GLI3: variants seen among roughly 807,000 people sequenced by gnomAD.
GLI3 encodes the protein GLI family zinc finger 3.
In GLI3, 20 loss-of-function variants were observed where a neutral mutation model predicts 100.8. The observed-to-expected ratio is 0.20, with a 90% CI of 0.14 to 0.29. The LOEUF (loss-of-function observed/expected upper bound fraction) is 0.29. GLI3 is among the 10% of genes least tolerant of loss of function. GLI3 has a pLI of 1.00. For synonymous variants in GLI3, 938 were observed against 860.5 expected, an observed-to-expected ratio of 1.09 and a Z score of -1.58; for missense variants, 2,040 against 2,128.5, an observed-to-expected ratio of 0.96 and a Z score of 0.82.
chr7:42,017,709 G>A (rs1788806714), intron 10 of GLI3, among the ~76,000 whole-genome samples: 1 of 152,204 alleles, frequency 6.6e-6, no homozygotes, highest in Non-Finnish European at 1.5e-5. Flanking sequence ...GGAAGAAAAA[G>A]GAAGTCTCTT....
intron 10 of GLI3, among the ~76,000 whole-genome samples, chr7:41,998,118 G>T (rs1351262525): frequency 6.6e-6 from 1 of 152,068 alleles, no homozygotes; most frequent in East Asian, 1.9e-4. Flanking sequence ...TCATTCTAAG[G>T]TAATGCTTGG....
chr7:42,060,354 G>A (rs909071037), intron 4 of GLI3, among the ~76,000 whole-genome samples: 11 of 152,060 alleles, frequency 7.2e-5, no homozygotes, highest in African/African-American at 2.7e-4. Flanking sequence ...TGTCACTTCG[G>A]CATTACTTAG....
At chr7:42,061,474 T>C (rs1392284630) in intron 4 of GLI3, among the ~76,000 whole-genome samples, 2 of 152,276 alleles carry the variant, frequency 1.3e-5, no homozygotes, top group African/African-American at 4.8e-5. Flanking sequence ...TTAAGTTATA[T>C]AGAGATGTCC....
chr7:41,994,177 A>C (rs1788064047), intron 10 of GLI3, among the ~76,000 whole-genome samples: 1 of 152,192 alleles, frequency 6.6e-6, no homozygotes, highest in African/African-American at 2.4e-5. Flanking sequence ...AAGGAGGAAA[A>C]ACAAAGACCA....
intron 13 of GLI3, among the ~76,000 whole-genome samples, chr7:41,969,397 C>A (rs950683947): frequency 6.6e-6 from 1 of 152,190 alleles, no homozygotes; most frequent in Admixed American, 6.5e-5. Context: ...AGGAAGGGCT[C>A]TTCGCAGTGG....
intron 1 of GLI3, among the ~76,000 whole-genome samples, chr7:42,260,482 AG>A (rs1789126982): frequency 6.6e-6 from 1 of 152,240 alleles, no homozygotes; most frequent in Admixed American, 6.5e-5. Context: ...TGTGTGTATA[AG>A]TATATACCTA....
intron 2 of GLI3, among the ~76,000 whole-genome samples, chr7:42,187,514 T>C (rs1787741050): frequency 6.6e-6 from 1 of 152,148 alleles, no homozygotes; most frequent in South Asian, 2.1e-4. Flanking sequence ...TCATTATTTT[T>C]TAAAGCTGAG....
chr7:42,254,026 C>A (rs1434001833), intron 1 of GLI3, among the ~76,000 whole-genome samples: 3 of 152,084 alleles, frequency 2.0e-5, no homozygotes, highest in East Asian at 3.9e-4. Flanking sequence ...TCAAGACAGG[C>A]CTGACCAACA....
At chr7:42,132,740 T>C (rs551236552) in intron 3 of GLI3, among the ~76,000 whole-genome samples, 114 of 152,312 alleles carry the variant, frequency 7.5e-4, no homozygotes, top group African/African-American at 2.5e-3. Flanking sequence ...CATTCAATTC[T>C]GGGATCCTCA....
At chr7:42,234,247 T>C (rs1435976590) in intron 1 of GLI3, among the ~76,000 whole-genome samples, 1 of 152,208 alleles carries the variant, frequency 6.6e-6, no homozygotes, top group Non-Finnish European at 1.5e-5. Context: ...CATTAAATTG[T>C]TTCTTTTCAT....
intron 7 of GLI3, among the ~76,000 whole-genome samples, chr7:42,035,114 G>A (rs1562695985): frequency 6.6e-6 from 1 of 152,106 alleles, no homozygotes. Context: ...ACTGAAAATC[G>A]GGGAAGGGAA....
intron 2 of GLI3, among the ~76,000 whole-genome samples, chr7:42,212,607 T>G (rs1038577040): frequency 6.6e-6 from 1 of 152,200 alleles, no homozygotes; most frequent in African/African-American, 2.4e-5. Context: ...TTTTCTAATT[T>G]TGCGGATTGA....
chr7:42,183,670 G>A (rs75025076), intron 2 of GLI3, among the ~76,000 whole-genome samples: 2,316 of 152,246 alleles, frequency 0.015, 58 homozygotes, highest in African/African-American at 0.053. Context: ...CAAGTAAGAT[G>A]TCCTATATTA....
In GLI3 at chr7:42,206,664, A is replaced by G. The variant is rs556961246; in HGVS notation, c.124+16466T>C. Among the ~76,000 whole-genome samples the G allele has an allele frequency of 8.5e-5, 13 of 152,340 alleles. No individual in the cohort carries two copies. The South Asian group carries it at 2.7e-3, about 32-fold the overall frequency. On this transcript the variant is annotated intron_variant, in intron 2 of 14. Transcript: ENST00000395925. ...AAGAGCCATTTGAAAAGGAAGAATA[A>G]TAAGAGATAATGTGCATTATCAGAT...
intron 2 of GLI3, among the ~76,000 whole-genome samples, chr7:42,186,922 T>C (rs190098220): frequency 6.6e-6 from 1 of 152,270 alleles, no homozygotes; most frequent in Admixed American, 6.5e-5. Context: ...TTAAAAATGA[T>C]CATGATGGCT....
intron 3 of GLI3, among the ~76,000 whole-genome samples, chr7:42,086,266 G>C (rs766887025): frequency 2.6e-5 from 4 of 152,120 alleles, no homozygotes; most frequent in Non-Finnish European, 2.9e-5. Flanking sequence ...TTATGGATGG[G>C]GAAACTGACC....
chr7:41,983,069 C>A (rs759212798), intron 10 of GLI3, among the ~76,000 whole-genome samples: 5 of 151,734 alleles, frequency 3.3e-5, no homozygotes, highest in Non-Finnish European at 7.4e-5. Flanking sequence ...ACTTTTTTTT[C>A]AACTTTTAAA....
chr7:42,126,322 CT>C (rs1375469263), intron 3 of GLI3, among the ~76,000 whole-genome samples: 2 of 152,200 alleles, frequency 1.3e-5, no homozygotes, highest in Non-Finnish European at 2.9e-5. Context: ...GCACACATTG[CT>C]TTAACAACGC....
At chr7:41,995,387 C>T (rs922119920) in intron 10 of GLI3, among the ~76,000 whole-genome samples, 3 of 152,090 alleles carry the variant, frequency 2.0e-5, no homozygotes, top group African/African-American at 7.2e-5. Flanking sequence ...GGCTTTGGCT[C>T]ATGCCAACTC....
Sources: gnomAD v4.1 joint callset for allele counts (sites outside exome capture counted in the v4.1 genomes callset) on GRCh38, gnomAD v4.1.1 for gene constraint, MANE v1.5 for transcripts, NCBI Gene and HGNC (gene_info 2026-07-23, HGNC 2026-07-21) for gene names.